Variants in CNDP1 observed in about 807,000 individuals in gnomAD.
CNDP1 encodes the protein beta-Ala-His dipeptidase.
CNDP1 carries 44 observed loss-of-function variants against 58.1 expected under a neutral mutation model. The observed-to-expected ratio is 0.76, with a 90% CI of 0.60 to 0.97. CNDP1 has a LOEUF of 0.97. Ranked by LOEUF, CNDP1 falls within the 50% of genes least tolerant of loss-of-function variation. The probability of loss-of-function intolerance (pLI) is 0.00; values close to 1 mark genes in which losing one functional copy is unlikely to be tolerated. For synonymous variants in CNDP1, 254 were observed against 252.6 expected (o/e 1.01, Z -0.05); for missense variants, 616 against 655.1 (o/e 0.94, Z 0.65).
intron 1 of CNDP1, among the ~76,000 whole-genome samples, chr18:74,554,864 A>G (rs532252523): frequency 3.2e-4 from 49 of 152,360 alleles, no homozygotes; most frequent in African/African-American, 1.1e-3. Flanking sequence ...AGAGGAAGCC[A>G]TGAAAATGAC....
chr18:74,579,952 C>T (rs1173982528), intron 9 of CNDP1, among the ~76,000 whole-genome samples, 178 bp from the exon 10 acceptor site: 1 of 152,210 alleles, frequency 6.6e-6, no homozygotes, highest in African/African-American at 2.4e-5. Context: ...CTCACTCTCG[C>T]CCTCTGGCAG....
chr18:74,553,590 G>C (rs187151420), intron 1 of CNDP1, among the ~76,000 whole-genome samples: 1 of 152,220 alleles, frequency 6.6e-6, no homozygotes, highest in East Asian at 1.9e-4. Flanking sequence ...TTTATTTCTG[G>C]ATTTTCGGTT....
chr18:74,580,488 T>C lies in CNDP1; in HGVS notation c.1309+217T>C, dbSNP rs1981762408. ...CTTCCCCATCTAACAGAGGAATAAATGCAGGCTTACAGACATGAAGTATTT... is the reference window on the plus strand; with the variant it reads ...CTTCCCCATCTAACAGAGGAATAAACGCAGGCTTACAGACATGAAGTATTT... On this transcript the variant is annotated intron_variant, in intron 10 of 11. Coordinates refer to ENST00000358821, the MANE Select transcript of CNDP1 (RefSeq NM_032649.6). Among the ~76,000 whole-genome samples, 2 of 152,212 alleles carry C rather than the reference T, an allele frequency of 1.3e-5. 1 individual carries two copies. The highest frequency in any genetic ancestry group is 4.1e-4 in the South Asian group (2 of 4,834).
In CNDP1 at chr18:74,559,353, G is replaced by T. The variant is rs142534952; in HGVS notation, c.184G>T (p.Asp62Tyr). ...TLKEWVAIES[D>Y]SVQPVPRFRQ... ...GAAGGAGTGGGTGGCCATCGAGAGC[G>T]ACTCTGTCCAGCCTGTGCCTCGCTT... The change falls in exon 3 of 12, where the codon GAC becomes TAC. Residue 62 changes from aspartate (D) to tyrosine (Y), a missense_variant. Physicochemically the swap from Asp to Tyr is radical, Grantham distance 160. Coordinates refer to ENST00000358821, the MANE Select transcript of CNDP1 (RefSeq NM_032649.6). The T allele has an allele frequency of 6.2e-7, 1 of 1,614,024 alleles. No individual in the cohort carries two copies. Among genetic ancestry groups the T allele is most frequent in the South Asian group, 1.1e-5 (1 of 91,056 alleles).
intron 1 of CNDP1, among the ~76,000 whole-genome samples, chr18:74,538,145 T>A (rs868786367): frequency 6.6e-6 from 1 of 152,186 alleles, no homozygotes; most frequent in South Asian, 2.1e-4. Flanking sequence ...AACATTTTCC[T>A]CACCTCAGAA....
intron 1 of CNDP1, among the ~76,000 whole-genome samples, chr18:74,556,083 G>A (rs764192540): frequency 6.6e-6 from 1 of 152,176 alleles, no homozygotes; most frequent in Non-Finnish European, 1.5e-5. Flanking sequence ...AGGAATAAAC[G>A]GAATGATGTT....
intron 1 of CNDP1, among the ~76,000 whole-genome samples, chr18:74,553,223 G>C (rs149762367): frequency 1.3e-5 from 2 of 152,010 alleles, no homozygotes; most frequent in African/African-American, 4.8e-5. Flanking sequence ...CACATTCTAC[G>C]TGTTGTCTTT....
At chr18:74,548,221 A>T (rs754361580) in intron 1 of CNDP1, among the ~76,000 whole-genome samples, 2 of 152,094 alleles carry the variant, frequency 1.3e-5, no homozygotes, top group Non-Finnish European at 2.9e-5. Context: ...TCATGTTGAG[A>T]TGTGATCCCC....
chr18:74,561,102 T>C (rs1194644025), intron 4 of CNDP1, 84 bp downstream of exon 4: 3 of 1,525,776 alleles, frequency 2.0e-6, no homozygotes, highest in Non-Finnish European at 2.7e-6. Context: ...TCCCTGGGTT[T>C]TGGGTCTCTC....
In CNDP1 at chr18:74,549,508, T is replaced by A. The variant is rs139161039; in HGVS notation, c.25-6830T>A. ...AATGAGCACTGGCAGTGAGCTGCAC[T>A]TTTTTTTTTTCTAAATGGGAAAAAG... is the stretch of plus-strand genomic sequence containing the variant. On this transcript the variant is annotated intron_variant, in intron 1 of 11. Coordinates refer to ENST00000358821, the MANE Select transcript of CNDP1 (RefSeq NM_032649.6). Among the ~76,000 whole-genome samples, 667 of 145,622 alleles carry A rather than the reference T, an allele frequency of 4.6e-3. 5 individuals carry two copies. The highest frequency in any genetic ancestry group is 0.016 in the African/African-American group (629 of 38,590).
Position 74,545,545 on chromosome 18 carries a change from C to T in CNDP1, c.25-10793C>T, listed in dbSNP as rs550654318. On this transcript the variant is annotated intron_variant, in intron 1 of 11. Coordinates refer to ENST00000358821, the MANE Select transcript of CNDP1 (RefSeq NM_032649.6). This position sits in a 1 kb window ranked among gnomAD's most constrained non-coding sequence, Gnocchi z 4.1. ...ACCTTGGCCCACGGTCCCACCAAAA[C>T]CCTGCCAGGCTCTCCTCTCCTGACT... 3.9e-4 allele frequency among the ~76,000 whole-genome samples: 59 copies of T among 152,270 alleles called. No individual in the cohort carries two copies. Among genetic ancestry groups the T allele is most frequent in the African/African-American group, 1.4e-3 (58 of 41,530 alleles).
chr18:74,574,436 A>G (rs980469445), intron 7 of CNDP1, among the ~76,000 whole-genome samples: 1 of 152,250 alleles, frequency 6.6e-6, no homozygotes, highest in African/African-American at 2.4e-5. Flanking sequence ...CCTAAAAGCC[A>G]TAAAACAGAA....
chr18:74,559,517 C>G (rs186517280), intron 3 of CNDP1, 45 bp downstream of exon 3: 3 of 1,568,150 alleles, frequency 1.9e-6, no homozygotes, highest in Non-Finnish European at 2.6e-6. Context: ...TACTTCTAGA[C>G]GTCAGTCATG....
chr18:74,548,923 T>C (rs918502801), intron 1 of CNDP1, among the ~76,000 whole-genome samples: 1 of 152,252 alleles, frequency 6.6e-6, no homozygotes, highest in African/African-American at 2.4e-5. Flanking sequence ...ACTTAGGGTA[T>C]CTGGCAGAAG....
At position 74,542,386 on chromosome 18, in the gene CNDP1, G is replaced by A. The variant is rs376374717; in HGVS notation, c.24+7695G>A. ...AAGTGGACCCTTTTTATCTTCACCC[G>A]AATCTTGCTCTCCTCCAGTTTGGGA... On this transcript the variant is annotated intron_variant, in intron 1 of 11. Coordinates refer to ENST00000358821, the MANE Select transcript of CNDP1 (RefSeq NM_032649.6). Among the ~76,000 whole-genome samples the A allele has an allele frequency of 5.9e-5, 9 of 152,210 alleles. 1 individual carries two copies. Among genetic ancestry groups the A allele is most frequent in the Non-Finnish European group, 5.9e-5 (4 of 68,028 alleles).
At chr18:74,535,756 G>T (rs1038404746) in intron 1 of CNDP1, among the ~76,000 whole-genome samples, 2 of 152,048 alleles carry the variant, frequency 1.3e-5, no homozygotes, top group Admixed American at 1.3e-4. Context: ...CCCTGGCTGG[G>T]CATGGTGGCT....
intron 9 of CNDP1, among the ~76,000 whole-genome samples, chr18:74,578,773 A>G (rs991598250): frequency 1.3e-5 from 2 of 152,364 alleles, no homozygotes; most frequent in South Asian, 2.1e-4. Flanking sequence ...TTACACATAG[A>G]TGGAGTAGGG....
At chr18:74,575,129 GAAAA>G (rs1297955823) in intron 7 of CNDP1, among the ~76,000 whole-genome samples, 3 of 150,476 alleles carry the variant, frequency 2.0e-5, no homozygotes, top group Non-Finnish European at 4.4e-5. Flanking sequence ...AGGAAGGAAA[GAAAA>G]AAGAAAGAAG....
chr18:74,578,792 A>T (rs1184758725), intron 9 of CNDP1, among the ~76,000 whole-genome samples: 1 of 152,336 alleles, frequency 6.6e-6, no homozygotes, highest in East Asian at 1.9e-4. Context: ...GGACCTGCCT[A>T]TGCTTGGACA....
Sources: gnomAD v4.1 joint callset for allele counts (sites outside exome capture counted in the v4.1 genomes callset) on GRCh38, gnomAD v4.1.1 for gene constraint, Gnocchi (gnomAD v3.1) non-coding constraint, MANE v1.5 for transcripts, NCBI Gene and HGNC (gene_info 2026-07-23, HGNC 2026-07-21) for gene names.